The following PHACTR2 variants were observed in gnomAD, a reference collection of about 807,000 sequenced individuals.
PHACTR2 encodes the protein chromosome 6 open reading frame 56.
A neutral mutation model predicts 76.0 loss-of-function variants in PHACTR2; 30 were observed. The ratio of observed to expected loss-of-function variants is 0.39; its 90% confidence interval spans 0.30 to 0.54. The LOEUF is 0.54. Among genes scored for constraint, PHACTR2 ranks in the 20% least tolerant of loss-of-function variants. The pLI is 0.61. For synonymous variants in PHACTR2, 292 were observed against 292.5 expected, an observed-to-expected ratio of 1.00 and a Z score of 0.02; for missense variants, 696 against 781.1, an observed-to-expected ratio of 0.89 and a Z score of 1.30.
chr6:143,577,315 A>T (rs946193750), intron 1 of PHACTR2, among the ~76,000 whole-genome samples: 1 of 152,258 alleles, frequency 6.6e-6, no homozygotes, highest in Non-Finnish European at 1.5e-5. Context: ...AGTCAAGGTC[A>T]TCAGTATTTT....
intron 2 of PHACTR2, among the ~76,000 whole-genome samples, chr6:143,725,435 C>T (rs1255105817): frequency 6.6e-5 from 10 of 150,656 alleles, no homozygotes; most frequent in African/African-American, 1.2e-4. Flanking sequence ...CTCCTGACCT[C>T]GTGATCCGCC....
At chr6:143,762,168 G>A (rs1779458133) in intron 5 of PHACTR2, among the ~76,000 whole-genome samples, 1 of 152,142 alleles carries the variant, frequency 6.6e-6, no homozygotes, top group South Asian at 2.1e-4. Flanking sequence ...TCTTCTTAAA[G>A]AACAGCCCCA....
At chr6:143,756,868 C>T (rs1299077470) in intron 4 of PHACTR2, among the ~76,000 whole-genome samples, 1 of 151,966 alleles carries the variant, frequency 6.6e-6, no homozygotes, top group Non-Finnish European at 1.5e-5. Context: ...GCCAACAGGG[C>T]AAAGCCCCAT....
chr6:143,552,221 A>G (rs1269377823), intron 1 of PHACTR2, among the ~76,000 whole-genome samples: 1 of 152,170 alleles, frequency 6.6e-6, no homozygotes, highest in Non-Finnish European at 1.5e-5. Context: ...TCTAGGGAAG[A>G]AAGAGTGTGG....
At position 143,656,756 on chromosome 6, in the gene PHACTR2, TC is replaced by T. The variant is rs1776855220; in HGVS notation, c.13+48435del. Among the ~76,000 whole-genome samples the T allele has an allele frequency of 6.6e-6, 1 of 152,062 alleles. No individual in the cohort carries two copies. The highest frequency in any genetic ancestry group is 1.5e-5 in the Non-Finnish European group (1 of 68,018). On this transcript the variant is annotated intron_variant, in intron 1 of 11. Coordinates refer to the PHACTR2 transcript ENST00000305766. This position sits in a 1 kb window ranked among gnomAD's most constrained non-coding sequence, Gnocchi z 5.3. ...TTAGCAAAGCATTTTAATTAATAAC[TC>T]AAACAGAAAAAGCATGTCTGTTAGT...
In PHACTR2 at chr6:143,789,849, A is replaced by G. The variant is rs552309583; in HGVS notation, c.1845+939A>G. On this transcript the variant is annotated intron_variant, in intron 11 of 12. Transcript: ENST00000440869. This position sits in a 1 kb window ranked among gnomAD's most constrained non-coding sequence, Gnocchi z 5.1. The stretch of plus-strand genomic sequence containing the variant: ...AGAAATCCTTAGCTCATAAGTAGAA[A>G]TGAAAAGTAAGAAGGAATAAGATCA... Among the ~76,000 whole-genome samples the G allele has an allele frequency of 6.6e-6, 1 of 152,368 alleles. No homozygotes were observed. The highest frequency in any genetic ancestry group is 2.1e-4 in the South Asian group (1 of 4,832).
chr6:143,704,459 G>A (rs935734146), intron 1 of PHACTR2, among the ~76,000 whole-genome samples: 6 of 152,018 alleles, frequency 3.9e-5, no homozygotes, highest in Non-Finnish European at 8.8e-5. Context: ...CCCTTCGAGC[G>A]GACTTCCTCA....
intron 1 of PHACTR2, among the ~76,000 whole-genome samples, chr6:143,569,757 G>C (rs892141570): frequency 1.3e-5 from 2 of 152,162 alleles, no homozygotes; most frequent in African/African-American, 4.8e-5. Context: ...TTGCATAAAT[G>C]CTTCTTTTAC....
At chr6:143,563,183 T>A (rs1390941669) in intron 1 of PHACTR2, among the ~76,000 whole-genome samples, 2 of 152,076 alleles carry the variant, frequency 1.3e-5, no homozygotes, top group Non-Finnish European at 2.9e-5. Context: ...ACTGAAAAAA[T>A]TAGCAGTAAA....
rs919910543 is a variant in PHACTR2, at chr6:143,753,059, GTTT to G, written c.296-687_296-685del. On this transcript the variant is annotated intron_variant, in intron 3 of 12. Coordinates refer to ENST00000440869, the MANE Select transcript of PHACTR2 (RefSeq NM_001100164.2). The surrounding 1 kb of genome is among the most constrained non-coding windows in gnomAD (Gnocchi z 4.6). ...CCTTTGTGATTACTTTTTTATGTGT[GTTT>G]TTTTTTTCTCGAATGTTTTCAAATT... is the stretch of plus-strand genomic sequence containing the variant. Among the ~76,000 whole-genome samples, 12 of 146,780 alleles carry G rather than the reference GTTT, an allele frequency of 8.2e-5. No individual in the cohort carries two copies. The highest frequency in any genetic ancestry group is 7.5e-4 in the Admixed American group (11 of 14,714).
rs568170041 is a variant in PHACTR2 at position 143,558,299 on chromosome 6, TAAGA to T, written c.217+21097_217+21100del. On this transcript the variant is annotated intron_variant, in intron 1 of 11. Transcript: ENST00000367584. The surrounding 1 kb of genome is among the most constrained non-coding windows in gnomAD (Gnocchi z 4.7). ...GTGAAATAATATTGTGGTTGTGTTT[TAAGA>T]AAGAGTTTTCCCCTATTTACATGTA... Among the ~76,000 whole-genome samples, 36 of 152,310 alleles carry T rather than the reference TAAGA, an allele frequency of 2.4e-4. No homozygotes were observed. In the East Asian group the frequency reaches 6.7e-3, roughly 29 times the overall value.
rs1775083109 is a variant in PHACTR2, at chr6:143,550,690, T to G, written c.217+13483T>G. ...CTAGTGTCCAGTGTCTAGAGGACTG[T>G]ACAATTAAGAGGCGGGAATAGATTT... On this transcript the variant is annotated intron_variant, in intron 1 of 11. Transcript: ENST00000367584. This position sits in a 1 kb window ranked among gnomAD's most constrained non-coding sequence, Gnocchi z 4.8. Among the ~76,000 whole-genome samples, 1 of 151,868 alleles carries G rather than the reference T, an allele frequency of 6.6e-6. No homozygotes were observed. The highest frequency in any genetic ancestry group is 1.5e-5 in the Non-Finnish European group (1 of 67,930).
At chr6:143,670,650 G>A (rs1777137467) in intron 1 of PHACTR2, among the ~76,000 whole-genome samples, 2 of 151,866 alleles carry the variant, frequency 1.3e-5, no homozygotes, top group African/African-American at 4.8e-5. Flanking sequence ...ATTGATACTT[G>A]TGTATCTTCA....
chr6:143,577,053 TG>T (rs72152548), intron 1 of PHACTR2, among the ~76,000 whole-genome samples: 92,824 of 151,552 alleles, frequency 0.61, 28,732 homozygotes, highest in Middle Eastern at 0.72. Flanking sequence ...AAATATATTT[TG>T]GGGGTTGTTA....
chr6:143,564,659 A>C (rs956116863), intron 1 of PHACTR2, among the ~76,000 whole-genome samples: 1 of 152,150 alleles, frequency 6.6e-6, no homozygotes, highest in Non-Finnish European at 1.5e-5. Flanking sequence ...TGTGCTTTGC[A>C]TCATGTAAGG....
Position 143,774,268 on chromosome 6 carries a change from C to T in PHACTR2, c.1589+53C>T. 7.0e-7 allele frequency: 1 copy of T among 1,433,940 alleles called. No individual in the cohort carries two copies. The allele number at this position is 1,433,940 out of a possible 1,614,324, so 88.8% of individuals were successfully genotyped here. On this transcript the variant is annotated intron_variant, in intron 8 of 12. Transcript: ENST00000440869. The surrounding 1 kb of genome is among the most constrained non-coding windows in gnomAD (Gnocchi z 5.4). ...TGACTAATTTGTATTTTTCTCCCTC[C>T]CAAAGCTTCCTACCTAACTGGGGTC...
intron 1 of PHACTR2, among the ~76,000 whole-genome samples, chr6:143,575,364 C>A (rs956875057): frequency 1.3e-5 from 2 of 152,180 alleles, no homozygotes; most frequent in Admixed American, 6.5e-5. Context: ...AGCACCATGT[C>A]TTAATTTTCT....
intron 1 of PHACTR2, among the ~76,000 whole-genome samples, chr6:143,642,305 G>T (rs1021830977): frequency 6.6e-6 from 1 of 152,236 alleles, no homozygotes; most frequent in Non-Finnish European, 1.5e-5. Flanking sequence ...TCGCAAGCAG[G>T]CTTGCTTTGG....
upstream of PHACTR2, among the ~76,000 whole-genome samples, chr6:143,607,095 A>G (rs1451134849): frequency 3.3e-5 from 5 of 152,238 alleles, no homozygotes; most frequent in Non-Finnish European, 4.4e-5. Context: ...AGGAATTCCA[A>G]TGGCATAAAG....
Sources: allele counts gnomAD v4.1 joint callset (sites outside exome capture counted in the v4.1 genomes callset), GRCh38; gene constraint gnomAD v4.1.1; non-coding constraint Gnocchi (gnomAD v3.1); transcripts MANE v1.5; gene names NCBI Gene and HGNC (gene_info 2026-07-23, HGNC 2026-07-21).